The following WFS1 variants were observed in gnomAD, a reference collection of about 807,000 sequenced individuals.
The protein encoded by WFS1 is wolframin ER transmembrane glycoprotein, also known as wolframin.
WFS1 carries 90 observed loss-of-function variants against 68.5 expected under a neutral mutation model. The ratio of observed to expected loss-of-function variants is 1.31; its 90% CI spans 1.11 to 1.56. WFS1 has a LOEUF of 1.56. Ranked by LOEUF, WFS1 falls within the 40% of genes most tolerant of loss-of-function variation. The probability of loss-of-function intolerance (pLI) is 0.00; values close to 1 mark genes in which losing one functional copy is unlikely to be tolerated. For synonymous variants in WFS1, 860 were observed against 540.7 expected, an observed-to-expected ratio of 1.59 and a Z score of -8.19; for missense variants, 1,767 against 1,232.6, an observed-to-expected ratio of 1.43 and a Z score of -6.49.
rs1730600374 is a variant in WFS1, at chr4:6,295,189, G to A, written c.861G>A (p.Lys287=). The A allele has an allele frequency of 3.1e-6, 5 of 1,611,596 alleles. No homozygotes were observed. The highest frequency in any genetic ancestry group is 4.2e-6 in the Non-Finnish European group (5 of 1,180,036). Residue 287 remains lysine (K), a splice_region_variant and synonymous_variant, in exon 7 of 8, where the codon AAG becomes AAA. Transcript: ENST00000226760. ...CTGAGGACCTGCCACTGCGTCTGAAGGTGAGTGACCAAGACCCCGGTCAGG... is the reference window on the plus strand; with the variant it reads ...CTGAGGACCTGCCACTGCGTCTGAAAGTGAGTGACCAAGACCCCGGTCAGG... ...KSPEDLPLRL[K]VVKYPLHAIM...
At chr4:6,292,816 C>T (rs1320670534) in intron 6 of WFS1, among the ~76,000 whole-genome samples, 1 of 152,084 alleles carries the variant, frequency 6.6e-6, no homozygotes, top group African/African-American at 2.4e-5. Flanking sequence ...GATGATCAGA[C>T]AAGGGGACTG....
At chr4:6,291,028 C>CAGGG (rs55640037) in intron 4 of WFS1, among the ~76,000 whole-genome samples, 169 bp from the exon 5 acceptor site, 1 of 151,756 alleles carries the variant, frequency 6.6e-6, no homozygotes, top group African/African-American at 2.4e-5. Flanking sequence ...GTGGGCGTGG[C>CAGGG]GCGATGTCCT....
intron 7 of WFS1, among the ~76,000 whole-genome samples, 186 bp from the exon 8 acceptor site, chr4:6,300,471 C>A (rs906102305): frequency 2.0e-5 from 3 of 151,882 alleles, no homozygotes; most frequent in Non-Finnish European, 4.4e-5. Flanking sequence ...CTCACAGGGA[C>A]CGCGAGCATG....
intron 3 of WFS1, among the ~76,000 whole-genome samples, chr4:6,288,015 G>A (rs533864155): frequency 2.0e-5 from 3 of 152,236 alleles, no homozygotes; most frequent in African/African-American, 4.8e-5. Flanking sequence ...TCAGGAGTTC[G>A]TGACCAGCCT....
chr4:6,297,040 C>T (rs1284617863), intron 7 of WFS1, among the ~76,000 whole-genome samples: 2 of 152,140 alleles, frequency 1.3e-5, no homozygotes, highest in East Asian at 1.9e-4. Flanking sequence ...TTGTTATCTA[C>T]GCTGGTCTCA....
chr4:6,299,175 G>T (rs1730750094), intron 7 of WFS1, among the ~76,000 whole-genome samples: 1 of 152,232 alleles, frequency 6.6e-6, no homozygotes, highest in Non-Finnish European at 1.5e-5. Flanking sequence ...GCAGGGCTCA[G>T]GGCCTCTGAG....
At chr4:6,297,304 A>C (rs952986171) in intron 7 of WFS1, among the ~76,000 whole-genome samples, 2 of 152,122 alleles carry the variant, frequency 1.3e-5, no homozygotes, top group Non-Finnish European at 2.9e-5. Context: ...CAGGGCTGAG[A>C]GCTGTCCCAC....
At chr4:6,294,675 G>A (rs1412895248) in intron 6 of WFS1, 1 of 342,344 alleles carries the variant, frequency 2.9e-6, no homozygotes, top group Non-Finnish European at 5.7e-6. Context: ...GGCTGAAGAG[G>A]AGGGTGTCAG....
chr4:6,279,048 G>A (rs1730079583), intron 2 of WFS1, among the ~76,000 whole-genome samples: 1 of 152,154 alleles, frequency 6.6e-6, no homozygotes. Context: ...CCGCCTGACA[G>A]CCCAGTCCCC....
In WFS1 at chr4:6,301,539, G is replaced by A. The variant is rs377677092; in HGVS notation, c.1744G>A (p.Val582Met). ...GGTGGCCGGCCTGGCCCTGGTGGGC[G>A]TGCTGCAGTTCGCCCGGTGGTTCAC... ...ILVAGLALVG[V>M]LQFARWFTSL... Residue 582 changes from valine (V) to methionine (M), a missense_variant, in exon 8 of 8, where the codon GTG becomes ATG. By Grantham distance (21) the Val-to-Met change is conservative (BLOSUM62 1). Coordinates refer to ENST00000226760, the MANE Select transcript of WFS1 (RefSeq NM_006005.3). The A allele has an allele frequency of 3.0e-5, 48 of 1,613,900 alleles. No individual in the cohort carries two copies. Among genetic ancestry groups the A allele is most frequent in the African/African-American group, 2.8e-4 (21 of 74,936 alleles).
chr4:6,292,312 G>T (rs894784184), intron 6 of WFS1, among the ~76,000 whole-genome samples: 41 of 152,176 alleles, frequency 2.7e-4, no homozygotes, highest in African/African-American at 9.7e-4. Context: ...AAATACTGGG[G>T]GTGGGGACTG....
intron 1 of WFS1, among the ~76,000 whole-genome samples, chr4:6,271,770 C>A (rs1729850843): frequency 6.6e-6 from 1 of 152,232 alleles, no homozygotes; most frequent in South Asian, 2.1e-4. Flanking sequence ...CCGGGCCTGG[C>A]TGCACGCAGC....
chr4:6,283,926 G>T lies in WFS1; in HGVS notation c.233-3167G>T, dbSNP rs978284566. Among the ~76,000 whole-genome samples the T allele has an allele frequency of 5.3e-5, 8 of 152,140 alleles. No individual in the cohort carries two copies. Among genetic ancestry groups the T allele is most frequent in the African/African-American group, 1.9e-4 (8 of 41,428 alleles). ...ACTGATGCAGCCGGCTTCTGGGGGT[G>T]ATCTTTCTGGCACTGAGCAGTGAGC... is the stretch of plus-strand genomic sequence containing the variant. On this transcript the variant is annotated intron_variant, in intron 2 of 7. Coordinates refer to ENST00000226760, the MANE Select transcript of WFS1 (RefSeq NM_006005.3). This position sits in a 1 kb window ranked among gnomAD's most constrained non-coding sequence, Gnocchi z 5.0.
intron 2 of WFS1, among the ~76,000 whole-genome samples, chr4:6,285,175 A>ATCCAGGGAGAGTTATG (rs1553876376): frequency 7.0e-6 from 1 of 142,222 alleles, no homozygotes; most frequent in Non-Finnish European, 1.5e-5. Context: ...GGAGAGTTAC[A>ATCCAGGGAGAGTTATG]TCCAGGGAGA....
In WFS1 at chr4:6,300,132, C is replaced by G. The variant is rs902157142; in HGVS notation, c.862-525C>G. Among the ~76,000 whole-genome samples, 8 of 152,216 alleles carry G rather than the reference C, an allele frequency of 5.3e-5. No individual in the cohort carries two copies. In the South Asian group the frequency reaches 1.2e-3, roughly 24 times the overall value. ...TGTGTCTGCACTGAACTCCCTTTCC[C>G]TAATGCTTGCTCTGCCACCCCTCCG... On this transcript the variant is annotated intron_variant, in intron 7 of 7. Coordinates refer to ENST00000226760, the MANE Select transcript of WFS1 (RefSeq NM_006005.3).
chr4:6,286,960 C>T, intron 2 of WFS1, 133 bp from the exon 3 acceptor site: 1 of 819,890 alleles, frequency 1.2e-6, no homozygotes, highest in East Asian at 2.7e-5. Context: ...CTGTGTCTCT[C>T]TGTACTCCTG....
Position 6,292,726 on chromosome 4 carries a change from G to C in WFS1, c.712+729G>C, listed in dbSNP as rs1236969775. Among the ~76,000 whole-genome samples, 5 of 152,190 alleles carry C rather than the reference G, an allele frequency of 3.3e-5. 1 individual carries two copies. The highest frequency in any genetic ancestry group is 6.3e-3 in the Middle Eastern group (2 of 316). ...CAATGGGGGGATGGGCCAAGACCCA[G>C]GTCTGCCACAGACTCTTCTTGTGAC... On this transcript the variant is annotated intron_variant, in intron 6 of 7. Transcript: ENST00000226760.
Position 6,294,933 on chromosome 4 carries a change from CCTTT to C in WFS1, c.713-104_713-101del, listed in dbSNP as rs71524379. The C allele has an allele frequency of 8.3e-3, 13,130 of 1,584,324 alleles. 92 individuals are homozygous for C. Among genetic ancestry groups the C allele is most frequent in the Middle Eastern group, 0.019 (95 of 5,074 alleles). On this transcript the variant is annotated intron_variant, in intron 6 of 7. Transcript: ENST00000226760. ...TTCCTCCACCTGAACCCACTCAGCT[CCTTT>C]CTTAGCTTGGCCCCACGCCACCGTC... is the stretch of plus-strand genomic sequence containing the variant.
In WFS1 at chr4:6,300,722, G is replaced by C. The variant is rs774853312; in HGVS notation, c.927G>C (p.Arg309Ser). 2.5e-6 allele frequency: 4 copies of C among 1,613,988 alleles called. No homozygotes were observed. The highest frequency in any genetic ancestry group is 2.2e-5 in the East Asian group (1 of 44,870). The change falls in exon 8 of 8, where the codon AGG (arginine) becomes AGC (serine). Residue 309 changes from arginine (R) to serine (S), a missense_variant. Arg to Ser is a moderately radical substitution (Grantham distance 110, BLOSUM62 -1). Transcript: ENST00000226760. ...IKEYLIDMASRAGMHWLSTII... is the reference protein window; with the variant it reads ...IKEYLIDMASSAGMHWLSTII... ...AGTACCTGATTGACATGGCCTCCAG[G>C]GCAGGCATGCACTGGCTGTCCACCA...
Sources: gnomAD v4.1 joint callset for allele counts (sites outside exome capture counted in the v4.1 genomes callset) on GRCh38, gnomAD v4.1.1 for gene constraint, Gnocchi (gnomAD v3.1) non-coding constraint, MANE v1.5 for transcripts, NCBI Gene and HGNC (gene_info 2026-07-23, HGNC 2026-07-21) for gene names.